Variants in DTX2 observed in about 807,000 individuals in gnomAD.
The protein encoded by DTX2 is deltex E3 ubiquitin ligase 2.
In DTX2, 29 loss-of-function variants were observed where a neutral mutation model predicts 55.3. That is an observed-to-expected ratio of 0.52 (90% CI 0.39 to 0.71). The LOEUF is 0.71. Ranked by LOEUF, DTX2 falls within the 30% of genes least tolerant of loss-of-function variation. The probability of loss-of-function intolerance (pLI) is 0.00; values close to 1 mark genes in which losing one functional copy is unlikely to be tolerated. For synonymous variants in DTX2, 276 were observed against 340.4 expected (o/e 0.81, Z 2.08); for missense variants, 537 against 822.5 (o/e 0.65, Z 4.25).
intron 6 of DTX2, chr7:76,499,999 G>A (rs561620655): frequency 2.1e-5 from 8 of 388,444 alleles, no homozygotes; most frequent in South Asian, 1.5e-4. Flanking sequence ...AGACTCCCTT[G>A]TCCCTGTGAT....
At chr7:76,495,699 C>G (rs534354999) in intron 5 of DTX2, among the ~76,000 whole-genome samples, 1 of 150,826 alleles carries the variant, frequency 6.6e-6, no homozygotes, top group Non-Finnish European at 1.5e-5. Flanking sequence ...GATGCAGCTA[C>G]GGGTGGGACC....
chr7:76,490,378 GT>G (rs1263667161), intron 4 of DTX2, among the ~76,000 whole-genome samples: 4 of 84,630 alleles, frequency 4.7e-5, no homozygotes, highest in Admixed American at 1.2e-4. Context: ...TTAACTAAAG[GT>G]TTTTTTTTTC....
chr7:76,480,841 G>T, intron 3 of DTX2, 64 bp downstream of exon 3: 3 of 1,495,482 alleles, frequency 2.0e-6, no homozygotes, highest in Non-Finnish European at 2.7e-6. Flanking sequence ...CAGGCTCTGC[G>T]CCAGGTGTTG....
chr7:76,473,225 T>C (rs1808151178), intron 2 of DTX2, among the ~76,000 whole-genome samples: 1 of 152,040 alleles, frequency 6.6e-6, no homozygotes. Context: ...CCCAGGTCTT[T>C]GGAGAGGCTT....
chr7:76,498,596 C>T lies in DTX2; in HGVS notation c.1150+1119C>T, dbSNP rs568882468. On this transcript the variant is annotated intron_variant, in intron 6 of 10. Transcript: ENST00000430490. Reference sequence around the variant, plus strand: ...GGGGGTGGGATGCTGTGCCCGGCCTCACCAGGGCTGGGCAGAGGCGAGGCC... The same window carrying T: ...GGGGGTGGGATGCTGTGCCCGGCCTTACCAGGGCTGGGCAGAGGCGAGGCC... Among the ~76,000 whole-genome samples, 7 of 112,578 alleles carry T rather than the reference C, an allele frequency of 6.2e-5. No homozygotes were observed. The East Asian group carries it at 2.2e-3, about 35-fold the overall frequency. 73.9% of individuals were successfully genotyped at this position (112,578 alleles called of 152,430 possible). A position where few individuals can be genotyped will look rare whatever the true frequency, so the allele number is the denominator to read the frequency against.
intron 7 of DTX2, chr7:76,501,739 C>T (rs1811712210): frequency 5.2e-6 from 1 of 191,728 alleles, no homozygotes; most frequent in Non-Finnish European, 1.1e-5. Context: ...CCTTGTAAGA[C>T]CCCACGCCGA....
At position 76,505,717 on chromosome 7, in the gene DTX2, G is replaced by T. The variant is rs551443469; in HGVS notation, c.*116G>T. Reference sequence around the variant, plus strand: ...CTGGGAGGTTTGTTGAGGGTGTGGGGTGTGCCCCACCTGAAGCCGGGGCTC... The same window carrying T: ...CTGGGAGGTTTGTTGAGGGTGTGGGTTGTGCCCCACCTGAAGCCGGGGCTC... On this transcript the variant is annotated 3_prime_UTR_variant, in exon 11 of 11. Transcript: ENST00000430490. The surrounding 1 kb of genome is among the most constrained non-coding windows in gnomAD (Gnocchi z 4.4). 485 of 1,141,234 alleles carry T rather than the reference G, an allele frequency of 4.2e-4. 3 individuals are homozygous for T. In the South Asian group the frequency reaches 6.9e-3, roughly 16 times the overall value. 70.7% of individuals were successfully genotyped at this position (1,141,234 alleles called of 1,614,324 possible). A position where few individuals can be genotyped will look rare whatever the true frequency, so the allele number is the denominator to read the frequency against.
intron 2 of DTX2, among the ~76,000 whole-genome samples, chr7:76,474,344 C>CA (rs1808301670): frequency 6.6e-6 from 1 of 151,910 alleles, no homozygotes; most frequent in African/African-American, 2.4e-5. Context: ...TGTGAGCCAC[C>CA]ACGCTTGGCC....
At chr7:76,491,238 C>T (rs1342896320) in intron 4 of DTX2, among the ~76,000 whole-genome samples, 4 of 151,430 alleles carry the variant, frequency 2.6e-5, no homozygotes, top group South Asian at 2.1e-4. Context: ...CCTCGCGATC[C>T]ACCCACCTTG....
At chr7:76,491,483 T>G (rs1810431180) in intron 4 of DTX2, among the ~76,000 whole-genome samples, 1 of 89,580 alleles carries the variant, frequency 1.1e-5, no homozygotes, top group Non-Finnish European at 2.2e-5. Flanking sequence ...GAGATGGGGT[T>G]TCACCGTGTT....
chr7:76,481,479 G>A (rs2462309), intron 3 of DTX2, among the ~76,000 whole-genome samples: 38 of 152,120 alleles, frequency 2.5e-4, no homozygotes, highest in African/African-American at 7.2e-4. Flanking sequence ...GAGCCACCGC[G>A]CCTGGACCTG....
intron 4 of DTX2, 90 bp downstream of exon 4, chr7:76,483,237 C>T: frequency 8.2e-6 from 12 of 1,463,448 alleles, no homozygotes; most frequent in Non-Finnish European, 1.0e-5. Flanking sequence ...GATGCGGCTC[C>T]TGCCCCCTAG....
Position 76,496,255 on chromosome 7 carries a change from C to T in DTX2, c.1010-1082C>T, listed in dbSNP as rs1463725601. 2.4e-5 allele frequency among the ~76,000 whole-genome samples: 2 copies of T among 83,314 alleles called. 1 individual carries two copies. The highest frequency in any genetic ancestry group is 4.8e-5 in the Non-Finnish European group (2 of 41,690). 54.7% of individuals were successfully genotyped at this position (83,314 alleles called of 152,430 possible). A position where few individuals can be genotyped will look rare whatever the true frequency, so the allele number is the denominator to read the frequency against. ...AGAAGCTTTGTTCTTCTAGTGGGGG[C>T]GCAGTGGCTGGCCTGGCCGCCCTTC... On this transcript the variant is annotated intron_variant, in intron 5 of 10. Coordinates refer to ENST00000430490, the MANE Select transcript of DTX2 (RefSeq NM_001102594.3).
chr7:76,471,733 CT>C lies in DTX2; in HGVS notation c.-90+8025del, dbSNP rs534977445. Among the ~76,000 whole-genome samples, 11 of 150,896 alleles carry C rather than the reference CT, an allele frequency of 7.3e-5. No individual in the cohort carries two copies. The East Asian group carries it at 2.2e-3, about 29-fold the overall frequency. On this transcript the variant is annotated intron_variant, in intron 2 of 10. Coordinates refer to ENST00000430490, the MANE Select transcript of DTX2 (RefSeq NM_001102594.3). ...TACCATTACACATCCACTGCTGCCCCTATTACTCCCCTACTTTGCCCTCTGG... is the reference window on the plus strand; with the variant it reads ...TACCATTACACATCCACTGCTGCCCCATTACTCCCCTACTTTGCCCTCTGG...
At chr7:76,502,517 C>G (rs948711151) in intron 8 of DTX2, 61 bp downstream of exon 8, 71 of 1,563,218 alleles carry the variant, frequency 4.5e-5, no homozygotes, top group Non-Finnish European at 6.0e-5. Context: ...GAGCTGTCCC[C>G]TGCAGGGGCG....
At chr7:76,483,707 AG>A (rs1420478998) in intron 4 of DTX2, among the ~76,000 whole-genome samples, 2 of 151,128 alleles carry the variant, frequency 1.3e-5, no homozygotes, top group African/African-American at 4.9e-5. Flanking sequence ...GCTCCTTGAG[AG>A]AGAGAGAATG....
At chr7:76,481,473 C>A (rs2116375592) in intron 3 of DTX2, among the ~76,000 whole-genome samples, 1 of 152,268 alleles carries the variant, frequency 6.6e-6, no homozygotes. Flanking sequence ...AAGCATGAGC[C>A]ACCGCGCCTG....
At position 76,503,488 on chromosome 7, in the gene DTX2, C is replaced by T. The variant is rs73703182; in HGVS notation, c.1452C>T (p.Pro484=). 6.2e-7 allele frequency: 1 copy of T among 1,612,858 alleles called. No individual in the cohort carries two copies. The highest frequency in any genetic ancestry group is 2.2e-5 in the East Asian group (1 of 44,890). The change falls in exon 9 of 11, where the codon CCC becomes CCT. Residue 484 remains proline (P), a synonymous_variant. Coordinates refer to ENST00000430490, the MANE Select transcript of DTX2 (RefSeq NM_001102594.3). ...ATGGAGAGAAGACGGGGACCCAGCCCCAGGGAAAGATGGAGGTATTACGGT... is the reference window on the plus strand; with the variant it reads ...ATGGAGAGAAGACGGGGACCCAGCCTCAGGGAAAGATGGAGGTATTACGGT... ...TIYGEKTGTQ[P]QGKMEVLRFQ... is the part of the protein sequence containing the mutation.
intron 5 of DTX2, among the ~76,000 whole-genome samples, chr7:76,494,018 C>T (rs1385258574): frequency 4.9e-5 from 5 of 102,006 alleles, no homozygotes; most frequent in African/African-American, 7.5e-5. Context: ...GACACAGCCC[C>T]GGGCCTTCTT....
Sources: gnomAD v4.1 joint callset for allele counts (sites outside exome capture counted in the v4.1 genomes callset) on GRCh38, gnomAD v4.1.1 for gene constraint, Gnocchi (gnomAD v3.1) non-coding constraint, MANE v1.5 for transcripts, NCBI Gene and HGNC (gene_info 2026-07-23, HGNC 2026-07-21) for gene names.